The following GBP5 variants were observed in gnomAD, a reference collection of about 807,000 sequenced individuals.
The protein encoded by GBP5 is guanylate-binding protein 5.
In GBP5, 48 loss-of-function variants were observed where a neutral mutation model predicts 58.2. The ratio of observed to expected loss-of-function variants is 0.83; its 90% CI spans 0.65 to 1.05. The LOEUF (loss-of-function observed/expected upper bound fraction) is 1.05. Among genes scored for constraint, GBP5 ranks in the 50% least tolerant of loss-of-function variants. The probability of loss-of-function intolerance (pLI) is 0.00; values close to 1 mark genes in which losing one functional copy is unlikely to be tolerated. For missense variants in GBP5, 714 were observed against 686.8 expected (o/e 1.04, Z -0.44); for synonymous variants, 248 against 251.8 (o/e 0.98, Z 0.14).
rs138631977 is a variant in GBP5 at position 89,262,223 on chromosome 1, C to T, written c.1644G>A (p.Met548Ile). ...AGATGAAACAATTGATGAATACCTG[C>T]ATCTGTTGTTCCTGCATTTTCTGTT... ...AEQQKMQEQQ[M>I]QEQAAQLSTT... The change falls in exon 11 of 12, where the codon ATG becomes ATA. Residue 548 changes from methionine to isoleucine, a missense_variant. Transcript: ENST00000370459. 92 of 1,613,878 alleles carry T rather than the reference C, an allele frequency of 5.7e-5. No homozygotes were observed. In the Middle Eastern group the frequency reaches 8.2e-4, roughly 14 times the overall value.
At chr1:89,262,925 G>C (rs1390821783) in intron 9 of GBP5, 140 bp from the exon 10 acceptor site, 11 of 555,490 alleles carry the variant, frequency 2.0e-5, no homozygotes, top group Non-Finnish European at 2.8e-5. Flanking sequence ...AGGAGAGGTG[G>C]AGCCTATACA....
rs1649886691 is a variant in GBP5 at position 89,258,920 on chromosome 1, CTT to C, written c.*1782_*1783del. On this transcript the variant is annotated 3_prime_UTR_variant, in exon 12 of 12. Transcript: ENST00000370459. ...TCAGTCTTTCTCTATAGACTTTTAA[CTT>C]TGAGAAAAATACAAACAAAGGAACT... 6.6e-6 allele frequency: 1 copy of C among 152,024 alleles called. No individual in the cohort carries two copies. Among genetic ancestry groups the C allele is most frequent in the Non-Finnish European group, 1.5e-5 (1 of 67,954 alleles). The allele number at this position is 152,024 out of a possible 1,614,324, so 9.4% of individuals were successfully genotyped here.
At chr1:89,268,257 C>A (rs1650303036) in intron 4 of GBP5, among the ~76,000 whole-genome samples, 1 of 152,130 alleles carries the variant, frequency 6.6e-6, no homozygotes, top group South Asian at 2.1e-4. Context: ...TACTTACCAG[C>A]ATATAACTAG....
At chr1:89,267,273 A>C in intron 5 of GBP5, 120 bp from the exon 6 acceptor site, 1 of 968,728 alleles carries the variant, frequency 1.0e-6, no homozygotes, top group Non-Finnish European at 1.5e-6. Context: ...TCATTTTATC[A>C]GTAAATATAA....
chr1:89,268,949 TGAG>T (rs1650334373), intron 3 of GBP5, 93 bp from the exon 4 acceptor site: 2 of 1,291,244 alleles, frequency 1.5e-6, no homozygotes, highest in Non-Finnish European at 2.2e-6. Flanking sequence ...GAAAGCAAGA[TGAG>T]GAGATAGCAG....
intron 11 of GBP5, among the ~76,000 whole-genome samples, chr1:89,261,521 T>C (rs1650004099): frequency 6.6e-6 from 1 of 152,226 alleles, no homozygotes; most frequent in Admixed American, 6.5e-5. Flanking sequence ...TTGTGTGATA[T>C]TTGCATTGAT....
intron 3 of GBP5, 106 bp downstream of exon 3, chr1:89,269,260 T>C: frequency 8.7e-7 from 1 of 1,148,134 alleles, no homozygotes; most frequent in African/African-American, 1.5e-5. Context: ...AACATTGGCT[T>C]TTAATATTCA....
rs1649856770 is a variant in GBP5 at position 89,258,266 on chromosome 1, G to A, written c.*2438C>T. Among the ~76,000 whole-genome samples, 1 of 152,182 alleles carries A rather than the reference G, an allele frequency of 6.6e-6. No individual in the cohort carries two copies. The highest frequency in any genetic ancestry group is 1.5e-5 in the Non-Finnish European group (1 of 68,038). On this transcript the variant is annotated 3_prime_UTR_variant, in exon 12 of 12. Coordinates refer to ENST00000370459, the MANE Select transcript of GBP5 (RefSeq NM_052942.5). ...TCAACTACTTTGTAACATGGTCTAG[G>A]TTAACAGTAACAAGGTGTGAAACCT...
At chr1:89,263,608 A>C in intron 9 of GBP5, 128 bp downstream of exon 9, 1 of 627,380 alleles carries the variant, frequency 1.6e-6, no homozygotes, top group Non-Finnish European at 2.8e-6. Context: ...TATTCAAGAA[A>C]AGGATTACTA....
chr1:89,260,030 C>A lies in GBP5; in HGVS notation c.*674G>T, dbSNP rs1255387282. The A allele has an allele frequency of 6.6e-6, 1 of 152,262 alleles. No homozygotes were observed. Among genetic ancestry groups the A allele is most frequent in the Non-Finnish European group, 1.5e-5 (1 of 68,118 alleles). The allele number at this position is 152,262 out of a possible 1,614,324, so 9.4% of individuals were successfully genotyped here. Reference sequence around the variant, plus strand: ...GCATAACTCCCTCTAGGTCAGCGGTCCCCCAACCTATTTGGCATCAGGGAC... The same window carrying A: ...GCATAACTCCCTCTAGGTCAGCGGTACCCCAACCTATTTGGCATCAGGGAC... On this transcript the variant is annotated 3_prime_UTR_variant, in exon 12 of 12. Coordinates refer to ENST00000370459, the MANE Select transcript of GBP5 (RefSeq NM_052942.5).
chr1:89,267,266 T>C, intron 5 of GBP5, 113 bp from the exon 6 acceptor site: 1 of 1,028,382 alleles, frequency 9.7e-7, no homozygotes, highest in Non-Finnish European at 1.4e-6. Context: ...CAAATCATCA[T>C]TTTATCAGTA....
At chr1:89,269,002 T>A (rs1412074077) in intron 3 of GBP5, 146 bp from the exon 4 acceptor site, 1 of 794,238 alleles carries the variant, frequency 1.3e-6, no homozygotes, top group Non-Finnish European at 2.0e-6. Flanking sequence ...GATGCAGAAA[T>A]GGAAAAACAA....
rs555687230 is a variant in GBP5 at position 89,266,868 on chromosome 1, G to T, written c.625+89C>A. 1.1e-4 allele frequency: 92 copies of T among 850,426 alleles called. No individual in the cohort carries two copies. The African/African-American group carries it at 1.5e-3, about 14-fold the overall frequency. 52.7% of individuals were successfully genotyped at this position (850,426 alleles called of 1,614,324 possible). On this transcript the variant is annotated intron_variant, in intron 6 of 11. Transcript: ENST00000370459. ...AGCTGGGTGAATATATATATATATA[G>T]AAAACCATAAATTTAACCACCTAAA...
chr1:89,268,021 G>C (rs77231230), intron 4 of GBP5, among the ~76,000 whole-genome samples: 1,677 of 151,882 alleles, frequency 0.011, 10 homozygotes, highest in Middle Eastern at 0.034. Flanking sequence ...CACACACACA[G>C]AAAAAAAACA....
rs1386256020 is a variant in GBP5 at position 89,260,189 on chromosome 1, G to A, written c.*515C>T. On this transcript the variant is annotated 3_prime_UTR_variant, in exon 12 of 12. Coordinates refer to ENST00000370459, the MANE Select transcript of GBP5 (RefSeq NM_052942.5). ...TCTTTTGCATGCACAGTTCACAATA[G>A]GGTTCCCACTCCTGTGAGAATCTAA... The A allele has an allele frequency of 6.5e-6, 1 of 154,508 alleles. No homozygotes were observed. Among genetic ancestry groups the A allele is most frequent in the African/African-American group, 2.4e-5 (1 of 41,436 alleles). 9.6% of individuals were successfully genotyped at this position (154,508 alleles called of 1,614,324 possible).
At chr1:89,265,909 G>C (rs1487849781) in intron 7 of GBP5, among the ~76,000 whole-genome samples, 1 of 152,050 alleles carries the variant, frequency 6.6e-6, no homozygotes, top group East Asian at 1.9e-4. Flanking sequence ...AGGCCCAAAA[G>C]TCTGCTTAGA....
At chr1:89,268,889 A>G (rs1186262062) in intron 3 of GBP5, 33 bp from the exon 4 acceptor site, 2 of 1,602,394 alleles carry the variant, frequency 1.2e-6, no homozygotes, top group Non-Finnish European at 1.7e-6. Context: ...GTAATAGAAG[A>G]GAAACTCTGG....
chr1:89,270,939 A>T lies in GBP5; in HGVS notation c.-127-77T>A, dbSNP rs990162324. 9 of 152,368 alleles carry T rather than the reference A, an allele frequency of 5.9e-5. No homozygotes were observed. In the East Asian group the frequency reaches 1.7e-3, roughly 29 times the overall value. 9.4% of individuals were successfully genotyped at this position (152,368 alleles called of 1,614,324 possible). ...TTACAAGATCTTATGATTTGGGATG[A>T]TGTCACTAAGGAAGAGGGAATGAAT... On this transcript the variant is annotated intron_variant, in intron 1 of 11. Transcript: ENST00000370459.
rs1307163232 is a variant in GBP5, at chr1:89,266,425, T to C, written c.789A>G (p.Gln263=). Reference sequence around the variant, plus strand: ...AGATGTAGGAACAGAATTCTGTCACTTGTTGCACAAATTCAGGCTCTAGCT... The same window carrying C: ...AGATGTAGGAACAGAATTCTGTCACCTGTTGCACAAATTCAGGCTCTAGCT... ...DDELEPEFVQ[Q]VTEFCSYIFS... Residue 263 remains glutamine (Q), a synonymous_variant, in exon 7 of 12, where the codon CAA becomes CAG. Transcript: ENST00000370459. 4.3e-6 allele frequency: 7 copies of C among 1,614,136 alleles called. No individual in the cohort carries two copies. Among genetic ancestry groups the C allele is most frequent in the Non-Finnish European group, 5.9e-6 (7 of 1,179,956 alleles).
Sources: gnomAD v4.1 joint callset for allele counts (sites outside exome capture counted in the v4.1 genomes callset) on GRCh38, gnomAD v4.1.1 for gene constraint, MANE v1.5 for transcripts, NCBI Gene and HGNC (gene_info 2026-07-23, HGNC 2026-07-21) for gene names.